The following PEF1 variants were observed in gnomAD, a reference collection of about 807,000 sequenced individuals.
The protein encoded by PEF1 is penta-EF-hand domain containing 1, also known as peflin.
A neutral mutation model predicts 32.0 loss-of-function variants in PEF1; 17 were observed. That is an observed-to-expected ratio of 0.53 (90% CI 0.36 to 0.80). The LOEUF (loss-of-function observed/expected upper bound fraction) is 0.80, where lower values mean the gene tolerates loss of function less well. Ranked by LOEUF, PEF1 falls within the 30% of genes least tolerant of loss-of-function variation. The pLI is 0.00. For missense variants in PEF1, 362 were observed against 369.1 expected, an observed-to-expected ratio of 0.98 and a Z score of 0.16; for synonymous variants, 130 against 139.8, an observed-to-expected ratio of 0.93 and a Z score of 0.50.
rs777385513 is a variant in PEF1, at chr1:31,640,964, T to C, written c.24+3877A>G. 7.4e-4 allele frequency among the ~76,000 whole-genome samples: 113 copies of C among 151,980 alleles called. 1 individual carries two copies. The highest frequency in any genetic ancestry group is 1.9e-4 in the Non-Finnish European group (13 of 67,984). ...AAGCCCAAACTAAGGGGTTAAACAA[T>C]CACAGGAAGACAAGAGGAACAGTTC... On this transcript the variant is annotated intron_variant, in intron 1 of 4. Transcript: ENST00000373703.
chr1:31,641,972 C>A (rs1640401144), intron 1 of PEF1, among the ~76,000 whole-genome samples: 1 of 152,244 alleles, frequency 6.6e-6, no homozygotes, highest in Non-Finnish European at 1.5e-5. Context: ...TGGCTCACGC[C>A]TGTAATCCCA....
intron 4 of PEF1, 186 bp downstream of exon 4, chr1:31,632,309 G>C: frequency 9.9e-7 from 1 of 1,014,456 alleles, no homozygotes; most frequent in Non-Finnish European, 1.5e-6. Flanking sequence ...TCCTTGCCCT[G>C]GCTCTTGGCT....
chr1:31,643,220 T>C (rs1640449777), intron 1 of PEF1, among the ~76,000 whole-genome samples: 1 of 152,252 alleles, frequency 6.6e-6, no homozygotes, highest in African/African-American at 2.4e-5. Context: ...GTTAGATATG[T>C]TTAAGAAATA....
chr1:31,630,971 G>A, intron 4 of PEF1, 129 bp from the exon 5 acceptor site: 1 of 780,208 alleles, frequency 1.3e-6, no homozygotes. Context: ...AAAGAGGGTA[G>A]AGAAATCCCA....
At position 31,633,147 on chromosome 1, in the gene PEF1, G is replaced by A; in HGVS notation, c.481+12C>T. 1 of 1,610,882 alleles carries A rather than the reference G, an allele frequency of 6.2e-7. No homozygotes were observed. Among genetic ancestry groups the A allele is most frequent in the Non-Finnish European group, 8.5e-7 (1 of 1,178,134 alleles). On this transcript the variant is annotated intron_variant, in intron 3 of 4. Transcript: ENST00000373703. ...GCCCCAGCTCAGGCCCAAGGGCAAG[G>A]CGGAGACTCACTTATCATCATGAGG...
intron 4 of PEF1, among the ~76,000 whole-genome samples, chr1:31,632,032 A>C (rs1018440122): frequency 6.6e-6 from 1 of 152,188 alleles, no homozygotes; most frequent in African/African-American, 2.4e-5. Context: ...ATCTTCCCCA[A>C]CTGCAACTTT....
intron 2 of PEF1, 116 bp from the exon 3 acceptor site, chr1:31,633,430 C>T: frequency 1.7e-6 from 2 of 1,154,368 alleles, no homozygotes; most frequent in Non-Finnish European, 2.4e-6. Context: ...CCTTCCCTGT[C>T]TTCCATCAAG....
chr1:31,644,868 G>A lies in PEF1; in HGVS notation c.-4C>T, dbSNP rs1455660450. On this transcript the variant is annotated 5_prime_UTR_variant, in exon 1 of 5. Coordinates refer to ENST00000373703, the MANE Select transcript of PEF1 (RefSeq NM_012392.4). The stretch of plus-strand genomic sequence containing the variant: ...GCCGGTAAGGATAGCTGGCCATGGT[G>A]ATTCTGACGTCACACTCAGGCAAGG... 1.9e-6 allele frequency: 3 copies of A among 1,613,674 alleles called. No homozygotes were observed. The highest frequency in any genetic ancestry group is 1.1e-5 in the South Asian group (1 of 91,010).
At chr1:31,631,516 C>G (rs1169374552) in intron 4 of PEF1, among the ~76,000 whole-genome samples, 2 of 152,150 alleles carry the variant, frequency 1.3e-5, no homozygotes. Flanking sequence ...AAAACCTCAG[C>G]TCTCCATTTG....
At chr1:31,633,074 TG>T in intron 3 of PEF1, 84 bp downstream of exon 3, 4 of 1,449,846 alleles carry the variant, frequency 2.8e-6, no homozygotes, top group Non-Finnish European at 3.7e-6. Flanking sequence ...CTCTTCAGAA[TG>T]TCCACCCACC....
intron 4 of PEF1, 55 bp from the exon 5 acceptor site, chr1:31,630,897 C>G: frequency 7.2e-7 from 1 of 1,397,760 alleles, no homozygotes; most frequent in Non-Finnish European, 9.9e-7. Context: ...TGAGCACCTC[C>G]ATCAATCAGG....
intron 1 of PEF1, among the ~76,000 whole-genome samples, chr1:31,641,021 G>A (rs1396678132): frequency 6.6e-6 from 1 of 152,160 alleles, no homozygotes; most frequent in African/African-American, 2.4e-5. Context: ...CTTGAAATAG[G>A]AGAGAAGCAC....
Position 31,630,725 on chromosome 1 carries a change from G to T in PEF1, c.743C>A (p.Thr248Asn), listed in dbSNP as rs1209253535. Residue 248 changes from threonine to asparagine, a missense_variant, in exon 5 of 5, where the codon ACC (threonine) becomes AAC (asparagine). Coordinates refer to ENST00000373703, the MANE Select transcript of PEF1 (RefSeq NM_012392.4). ...GGCCTCTGTCAGCACCTGCAGCTGGGTGCACACCTGGATGAAGCGGTCAAG... is the reference window on the plus strand; with the variant it reads ...GGCCTCTGTCAGCACCTGCAGCTGGTTGCACACCTGGATGAAGCGGTCAAG... ...MQLDRFIQVC[T>N]QLQVLTEAFR... The T allele has an allele frequency of 6.2e-7, 1 of 1,614,156 alleles. No individual in the cohort carries two copies. The highest frequency in any genetic ancestry group is 2.2e-5 in the East Asian group (1 of 44,884).
intron 1 of PEF1, 157 bp downstream of exon 1, chr1:31,644,684 C>T (rs1640504878): frequency 1.3e-6 from 2 of 1,482,424 alleles, no homozygotes; most frequent in South Asian, 1.3e-5. Context: ...CAGGGCGCGA[C>T]CGACGGTCCC....
At chr1:31,644,655 C>A in intron 1 of PEF1, 186 bp downstream of exon 1, 1 of 1,439,814 alleles carries the variant, frequency 6.9e-7, no homozygotes, top group Non-Finnish European at 9.2e-7. Flanking sequence ...CGCGAATGTG[C>A]GGTCCTTCAT....
At position 31,632,540 on chromosome 1, in the gene PEF1, C is replaced by T; in HGVS notation, c.580G>A (p.Asp194Asn). The change falls in exon 4 of 5, where the codon GAC (aspartate) becomes AAC (asparagine). Residue 194 changes from aspartate to asparagine, a missense_variant. Coordinates refer to ENST00000373703, the MANE Select transcript of PEF1 (RefSeq NM_012392.4). ...QQWKNLFQQY[D>N]RDRSGSISYT... ...CTAATGGAGCCCGAGCGGTCCCGGT[C>T]ATACTGCTGGAAGAGGTTCTTCCAC... The T allele has an allele frequency of 6.2e-7, 1 of 1,614,244 alleles. No homozygotes were observed. Among genetic ancestry groups the T allele is most frequent in the South Asian group, 1.1e-5 (1 of 91,078 alleles).
chr1:31,634,569 G>A (rs987904512), intron 2 of PEF1, among the ~76,000 whole-genome samples: 9 of 152,128 alleles, frequency 5.9e-5, no homozygotes, highest in South Asian at 2.1e-4. Flanking sequence ...CTACATTATC[G>A]TCTCCTGGCT....
chr1:31,635,556 G>A (rs1171736260), intron 1 of PEF1, 34 bp from the exon 2 acceptor site: 27 of 1,501,804 alleles, frequency 1.8e-5, no homozygotes, highest in Non-Finnish European at 2.4e-5. Flanking sequence ...TCAGAATGAT[G>A]AGGCCAGAAA....
Position 31,635,323 on chromosome 1 carries a change from C to T in PEF1, c.224G>A (p.Gly75Glu). 6.2e-7 allele frequency: 1 copy of T among 1,614,002 alleles called. No homozygotes were observed. The highest frequency in any genetic ancestry group is 8.5e-7 in the Non-Finnish European group (1 of 1,179,904). Residue 75 changes from glycine (G) to glutamate (E), a missense_variant, in exon 2 of 5, where the codon GGA (glycine) becomes GAA (glutamate). Coordinates refer to ENST00000373703, the MANE Select transcript of PEF1 (RefSeq NM_012392.4). ...ACCGCCATATGGTCCTCCTGGAGTT[C>T]CAGAGGGGAACATCCCAGGATTGGG... Reference protein sequence around the residue: ...GHPNPGMFPSGTPGGPYGGAA... With the variant: ...GHPNPGMFPSETPGGPYGGAA...
Sources: allele counts gnomAD v4.1 joint callset (sites outside exome capture counted in the v4.1 genomes callset), GRCh38; gene constraint gnomAD v4.1.1; transcripts MANE v1.5; gene names NCBI Gene and HGNC (gene_info 2026-07-23, HGNC 2026-07-21).